PHLPP2: variants seen among roughly 807,000 people sequenced by gnomAD.
PHLPP2 encodes PH domain leucine-rich repeat-containing protein phosphatase 2.
A neutral mutation model predicts 124.9 loss-of-function variants in PHLPP2; 66 were observed. The observed-to-expected ratio is 0.53, with a 90% CI of 0.43 to 0.65. The LOEUF is 0.65. Among genes scored for constraint, PHLPP2 ranks in the 30% least tolerant of loss-of-function variants. The pLI, the probability that PHLPP2 is intolerant of heterozygous loss-of-function variation, is 0.00. For synonymous variants in PHLPP2, 681 were observed against 624.7 expected, an observed-to-expected ratio of 1.09 and a Z score of -1.34; for missense variants, 1,685 against 1,600.4, an observed-to-expected ratio of 1.05 and a Z score of -0.90.
At position 71,652,805 on chromosome 16, in the gene PHLPP2, T is replaced by C. The variant is rs1159166618; in HGVS notation, c.2802A>G (p.Lys934=). Residue 934 remains lysine (K), a synonymous_variant, in exon 18 of 19, where the codon AAA becomes AAG. Transcript: ENST00000568954. ...CGGAACACACCTCTGTGATGATGGCTTTTTGGTCCTTCACCCTTTGAGCCT... is the reference window on the plus strand; with the variant it reads ...CGGAACACACCTCTGTGATGATGGCCTTTTGGTCCTTCACCCTTTGAGCCT... ...PEEAQRVKDQ[K]AIITEDNKVN... is the part of the protein sequence containing the mutation. 11 of 1,612,824 alleles carry C rather than the reference T, an allele frequency of 6.8e-6. No homozygotes were observed. The highest frequency in any genetic ancestry group is 1.1e-5 in the South Asian group (1 of 91,066).
chr16:71,655,789 C>T (rs1013948131), intron 16 of PHLPP2, among the ~76,000 whole-genome samples: 2 of 151,492 alleles, frequency 1.3e-5, no homozygotes, highest in Non-Finnish European at 1.5e-5. Flanking sequence ...CGCGCCTGGC[C>T]AGGAGCATTC....
At chr16:71,695,832 T>A (rs2045164209) in intron 3 of PHLPP2, among the ~76,000 whole-genome samples, 1 of 152,160 alleles carries the variant, frequency 6.6e-6, no homozygotes, top group Non-Finnish European at 1.5e-5. Flanking sequence ...TAATACCATT[T>A]ATGTAAACAA....
In PHLPP2 at chr16:71,714,813, CA is replaced by C. The variant is rs2145384203; in HGVS notation, c.-6-13del. ...CGTTTCATATTTCTCTAAAAAATAT[CA>C]AGAGAAAGAAATCGTTAGCTAGAAC... On this transcript the variant is annotated splice_polypyrimidine_tract_variant and intron_variant, in intron 1 of 18. Coordinates refer to ENST00000568954, the MANE Select transcript of PHLPP2 (RefSeq NM_015020.3). 6.2e-7 allele frequency: 1 copy of C among 1,603,708 alleles called. No individual in the cohort carries two copies. Among genetic ancestry groups the C allele is most frequent in the Admixed American group, 1.7e-5 (1 of 58,964 alleles).
At position 71,649,455 on chromosome 16, in the gene PHLPP2, G is replaced by A. The variant is rs1158670609; in HGVS notation, c.3407C>T (p.Ala1136Val). The change falls in exon 19 of 19, where the codon GCT becomes GTT. Residue 1136 changes from alanine to valine, a missense_variant. Transcript: ENST00000568954. The stretch of plus-strand genomic sequence containing the variant: ...GTCAGACTGGTTACTGGAGAAGGTA[G>A]CAGAAGAAGGCTGGCGCTGAAACAG... ...SGLFQRQPSS[A>V]TFSSNQSDNG... 1.9e-6 allele frequency: 3 copies of A among 1,614,118 alleles called. No homozygotes were observed. The highest frequency in any genetic ancestry group is 1.7e-5 in the Admixed American group (1 of 60,024).
intron 3 of PHLPP2, among the ~76,000 whole-genome samples, chr16:71,692,786 T>A (rs540854693): frequency 6.6e-6 from 1 of 152,042 alleles, no homozygotes; most frequent in East Asian, 1.9e-4. Context: ...ACAATGTAAA[T>A]GTTAAGTAAA....
chr16:71,701,814 C>T (rs1321167591), intron 3 of PHLPP2, among the ~76,000 whole-genome samples: 1 of 152,174 alleles, frequency 6.6e-6, no homozygotes, highest in Non-Finnish European at 1.5e-5. Context: ...ACTTTTATTA[C>T]AGCATATTGC....
intron 3 of PHLPP2, among the ~76,000 whole-genome samples, chr16:71,692,131 G>A (rs1011574968): frequency 4.6e-5 from 7 of 151,652 alleles, no homozygotes; most frequent in Non-Finnish European, 7.4e-5. Flanking sequence ...GTGCAGTGGC[G>A]CGATCTCGGC....
chr16:71,680,857 T>C (rs2044990642), intron 6 of PHLPP2, among the ~76,000 whole-genome samples: 1 of 152,192 alleles, frequency 6.6e-6, no homozygotes, highest in African/African-American at 2.4e-5. Context: ...CACAAAGAAA[T>C]GCTAGAAACC....
At chr16:71,696,758 A>G (rs940194775) in intron 3 of PHLPP2, among the ~76,000 whole-genome samples, 1 of 152,002 alleles carries the variant, frequency 6.6e-6, no homozygotes, top group African/African-American at 2.4e-5. Flanking sequence ...TATTTTTGCC[A>G]CTTTCGTATA....
At chr16:71,719,978 T>TTTTTTTTTTTG in intron 1 of PHLPP2, among the ~76,000 whole-genome samples, 1 of 132,118 alleles carries the variant, frequency 7.6e-6, no homozygotes, top group Non-Finnish European at 1.6e-5. Context: ...TTTTTTTTTT[T>TTTTTTTTTTTG]TTTTTTTTTT....
intron 17 of PHLPP2, among the ~76,000 whole-genome samples, chr16:71,654,204 GAAAAAAAAAAAAA>G (rs765826548): frequency 8.3e-5 from 6 of 72,360 alleles, no homozygotes; most frequent in African/African-American, 3.7e-4. Context: ...TCTCAAAAAA[GAAAAAAAAAAAAA>G]AAAAAAAAAA....
chr16:71,670,777 C>G (rs942618880), intron 10 of PHLPP2, among the ~76,000 whole-genome samples: 4 of 150,036 alleles, frequency 2.7e-5, no homozygotes, highest in African/African-American at 9.9e-5. Flanking sequence ...ACGAACAGTG[C>G]AAGGTCCAGG....
intron 2 of PHLPP2, among the ~76,000 whole-genome samples, chr16:71,711,194 G>C (rs1422175432): frequency 6.6e-6 from 1 of 152,076 alleles, no homozygotes; most frequent in Non-Finnish European, 1.5e-5. Context: ...AGCCAAGTGT[G>C]GTGGCTCATG....
chr16:71,702,835 C>T (rs1225158113), intron 2 of PHLPP2, 104 bp from the exon 3 acceptor site: 7 of 696,648 alleles, frequency 1.0e-5, no homozygotes, highest in Non-Finnish European at 1.6e-5. Context: ...GGTACAAGTG[C>T]TATTCTGTCA....
Position 71,655,301 on chromosome 16 carries a change from C to T in PHLPP2, c.2524G>A (p.Glu842Lys). 6.2e-7 allele frequency: 1 copy of T among 1,614,046 alleles called. No individual in the cohort carries two copies. Among genetic ancestry groups the T allele is most frequent in the South Asian group, 1.1e-5 (1 of 91,080 alleles). ...QCTMADVLLE[E>K]VQQSTNDTVF... is the part of the protein sequence containing the mutation. The stretch of plus-strand genomic sequence containing the variant: ...GTGTCATTAGTTGACTGCTGTACCT[C>T]TTCTAAAAGCACATCTGCCATCGTA... The change falls in exon 17 of 19, where the codon GAG becomes AAG. Residue 842 changes from glutamate (E) to lysine (K), a missense_variant. By Grantham distance (56) the Glu-to-Lys change is moderately conservative. Transcript: ENST00000568954.
At chr16:71,704,321 A>AAAAAAAAAC (rs1555548338) in intron 2 of PHLPP2, among the ~76,000 whole-genome samples, 118 of 151,198 alleles carry the variant, frequency 7.8e-4, no homozygotes, top group African/African-American at 2.7e-3. Context: ...AAAAAAAAAA[A>AAAAAAAAAC]AAAACTTAAT....
Position 71,649,927 on chromosome 16 carries a change from A to T in PHLPP2, c.2935T>A (p.Leu979Met), listed in dbSNP as rs368274198. ...SSTPLTIQDE[L>M]LILGNKALWE... ...AATGCTTTGTTTCCCAGAATCAGCA[A>T]CTCATCTTGAATGGTCAGCGGAGTG... The change falls in exon 19 of 19, where the codon TTG (leucine) becomes ATG (methionine). Residue 979 changes from leucine (L) to methionine (M), a missense_variant. Leu to Met is a conservative substitution (Grantham distance 15). Transcript: ENST00000568954. The T allele has an allele frequency of 6.9e-5, 112 of 1,614,046 alleles. No individual in the cohort carries two copies. The highest frequency in any genetic ancestry group is 8.6e-5 in the Non-Finnish European group (102 of 1,180,022).
At chr16:71,664,553 C>G (rs908729736) in intron 12 of PHLPP2, among the ~76,000 whole-genome samples, 9 of 152,068 alleles carry the variant, frequency 5.9e-5, no homozygotes, top group Non-Finnish European at 1.3e-4. Flanking sequence ...TCAAGACCAT[C>G]CTGGCCACCA....
intron 6 of PHLPP2, 142 bp downstream of exon 6, chr16:71,681,609 C>T: frequency 1.7e-6 from 1 of 580,698 alleles, no homozygotes; most frequent in Non-Finnish European, 2.9e-6. Context: ...TAGGAGAACT[C>T]TGTGAATAAA....
Sources: gnomAD v4.1 joint callset for allele counts (sites outside exome capture counted in the v4.1 genomes callset) on GRCh38, gnomAD v4.1.1 for gene constraint, MANE v1.5 for transcripts, NCBI Gene and HGNC (gene_info 2026-07-23, HGNC 2026-07-21) for gene names.